LTBR: variants seen among roughly 807,000 people sequenced by gnomAD.
LTBR encodes lymphotoxin beta receptor.
In LTBR, 15 loss-of-function variants were observed where a neutral mutation model predicts 45.4. The observed-to-expected ratio is 0.33, with a 90% confidence interval of 0.22 to 0.51. The LOEUF (loss-of-function observed/expected upper bound fraction) is 0.51. Among genes scored for constraint, LTBR ranks in the 20% least tolerant of loss-of-function variants. LTBR has a pLI of 0.97. For synonymous variants in LTBR, 228 were observed against 231.0 expected (o/e 0.99, Z 0.12); for missense variants, 450 against 565.5 (o/e 0.80, Z 2.07).
At position 6,391,062 on chromosome 12, in the gene LTBR, A is replaced by G; in HGVS notation, c.*125A>G. On this transcript the variant is annotated 3_prime_UTR_variant, in exon 10 of 10. Transcript: ENST00000228918. ...GGGGAAGCAGAGCCCTAAGGGATTA[A>G]GGCTCAGACACCTCTGAGAGCAGGT... 2.0e-6 allele frequency: 2 copies of G among 997,446 alleles called. No individual in the cohort carries two copies. The highest frequency in any genetic ancestry group is 2.8e-6 in the Non-Finnish European group (2 of 712,436). The allele number at this position is 997,446 out of a possible 1,614,324, so 61.8% of individuals were successfully genotyped here.
rs1382070919 is a variant in LTBR at position 6,384,265 on chromosome 12, C to T, written c.-94C>T. The T allele has an allele frequency of 1.6e-5, 23 of 1,418,310 alleles. No individual in the cohort carries two copies. The highest frequency in any genetic ancestry group is 2.0e-5 in the Non-Finnish European group (22 of 1,091,684). The allele number at this position is 1,418,310 out of a possible 1,614,324, so 87.9% of individuals were successfully genotyped here. On this transcript the variant is annotated 5_prime_UTR_variant, in exon 1 of 10. Coordinates refer to ENST00000228918, the MANE Select transcript of LTBR (RefSeq NM_002342.3). ...CCTGAGTCCCGTCCCAGGCTCTGGGCTCGGGCAGCCGCCGCCACCGCTGCC... is the reference window on the plus strand; with the variant it reads ...CCTGAGTCCCGTCCCAGGCTCTGGGTTCGGGCAGCCGCCGCCACCGCTGCC...
chr12:6,381,647 T>C (rs1158006411), upstream of LTBR, among the ~76,000 whole-genome samples: 1 of 152,206 alleles, frequency 6.6e-6, no homozygotes, highest in Non-Finnish European at 1.5e-5. Flanking sequence ...AAGCTTTGAC[T>C]GGGAAGGGCA....
chr12:6,386,471 G>GGT lies in LTBR; in HGVS notation c.667+28_667+29insTG, dbSNP rs780237155. The GGT allele has an allele frequency of 1.2e-4, 183 of 1,571,062 alleles. 2 individuals are homozygous for GGT. Among genetic ancestry groups the GGT allele is most frequent in the South Asian group, 3.1e-4 (28 of 89,796 alleles). ...TGAGGGACCAGGGCTGAGGGACACG[G>GGT]GGGGGGCGCCTCTGAAAATGCCTTA... is the stretch of plus-strand genomic sequence containing the variant. On this transcript the variant is annotated intron_variant, in intron 6 of 9. Transcript: ENST00000228918. The surrounding 1 kb of genome is among the most constrained non-coding windows in gnomAD (Gnocchi z 4.1).
rs1949096592 is a variant in LTBR at position 6,390,220 on chromosome 12, G to T, written c.910G>T (p.Val304Leu). 6.2e-7 allele frequency: 1 copy of T among 1,613,980 alleles called. No homozygotes were observed. The highest frequency in any genetic ancestry group is 8.5e-7 in the Non-Finnish European group (1 of 1,180,030). ...LLPISGDVSP[V>L]STGLPAAPVL... Reference sequence around the variant, plus strand: ...ACCCATTTCTGGAGATGTTTCCCCAGTATCCACTGGGCTCCCCGCAGCCCC... The same window carrying T: ...ACCCATTTCTGGAGATGTTTCCCCATTATCCACTGGGCTCCCCGCAGCCCC... The change falls in exon 9 of 10, where the codon GTA (valine) becomes TTA (leucine). Residue 304 changes from valine (V) to leucine (L), a missense_variant. Around this residue, in one of 3 missense-constraint regions of LTBR, gnomAD observed 367 missense variants for 435.4 expected, o/e 0.84. Coordinates refer to ENST00000228918, the MANE Select transcript of LTBR (RefSeq NM_002342.3).
chr12:6,387,727 G>GA (rs1379719048), intron 6 of LTBR: 6 of 322,454 alleles, frequency 1.9e-5, no homozygotes, highest in Non-Finnish European at 3.8e-5. Flanking sequence ...CAGAGAAAGA[G>GA]AAATTACCCA....
rs562251973 is a variant in LTBR at position 6,384,388 on chromosome 12, C to G, written c.30C>G (p.Pro10=). 3.3e-6 allele frequency: 5 copies of G among 1,537,554 alleles called. No homozygotes were observed. The South Asian group carries it at 3.6e-5, about 11-fold the overall frequency. ...TCCTGCCTTGGGCCACCTCTGCCCCCGGCCTGGCCTGGGGGCCTCTGGTGC... is the reference window on the plus strand; with the variant it reads ...TCCTGCCTTGGGCCACCTCTGCCCCGGGCCTGGCCTGGGGGCCTCTGGTGC... MLLPWATSA[P]GLAWGPLVLG... is the part of the protein sequence containing the mutation. The change falls in exon 1 of 10, where the codon CCC becomes CCG. Residue 10 remains proline (P), a synonymous_variant. Transcript: ENST00000228918.
chr12:6,385,733 C>T (rs544174408), intron 4 of LTBR: 26 of 344,282 alleles, frequency 7.6e-5, no homozygotes, highest in East Asian at 3.9e-4. Flanking sequence ...AGTGAAACCC[C>T]GTCTCTACTA....
At chr12:6,378,388 A>G (rs904933636) in intron 1 of LTBR, among the ~76,000 whole-genome samples, 1 of 152,198 alleles carries the variant, frequency 6.6e-6, no homozygotes, top group African/African-American at 2.4e-5. Context: ...CCTAGGCTCA[A>G]GCAGTCCTCC....
chr12:6,388,520 G>A lies in LTBR; in HGVS notation c.775+15G>A. 2.5e-6 allele frequency: 4 copies of A among 1,603,820 alleles called. No homozygotes were observed. The highest frequency in any genetic ancestry group is 3.4e-6 in the Non-Finnish European group (4 of 1,170,710). ...CAGGAAACTGGGTAGGAAAGGGTTG[G>A]ATGCAGTGGATGGTTGGCAATGGGA... On this transcript the variant is annotated intron_variant, in intron 7 of 9. Transcript: ENST00000228918. The surrounding 1 kb of genome is among the most constrained non-coding windows in gnomAD (Gnocchi z 4.3).
intron 1 of LTBR, among the ~76,000 whole-genome samples, chr12:6,376,421 C>T (rs935034093): frequency 1.1e-4 from 17 of 152,082 alleles, no homozygotes; most frequent in African/African-American, 3.6e-4. Flanking sequence ...CCAGAGGCAG[C>T]GCGAGGGCCA....
chr12:6,387,865 C>T (rs1026843815), intron 6 of LTBR: 4 of 455,362 alleles, frequency 8.8e-6, no homozygotes, highest in South Asian at 4.7e-5. Context: ...CAGGCAGTTC[C>T]GAAGCAAGTT....
intron 9 of LTBR, 36 bp from the exon 10 acceptor site, chr12:6,390,624 C>T (rs1949102530): frequency 6.7e-7 from 1 of 1,496,164 alleles, no homozygotes; most frequent in Non-Finnish European, 8.9e-7. Context: ...GAACTGGGGG[C>T]CTTCCTTCCT....
chr12:6,379,150 C>T (rs939781672), intron 1 of LTBR, among the ~76,000 whole-genome samples: 2 of 152,088 alleles, frequency 1.3e-5, no homozygotes, highest in Non-Finnish European at 2.9e-5. Flanking sequence ...CGTATACATC[C>T]GTTTGGGGTC....
chr12:6,379,848 G>C (rs1480649470), upstream of LTBR, among the ~76,000 whole-genome samples: 1 of 150,996 alleles, frequency 6.6e-6, no homozygotes, highest in Non-Finnish European at 1.5e-5. Flanking sequence ...CAGGAGAATG[G>C]CATAAAACCG....
chr12:6,382,392 T>C (rs1948993130), upstream of LTBR, among the ~76,000 whole-genome samples: 2 of 152,152 alleles, frequency 1.3e-5, no homozygotes, highest in South Asian at 2.1e-4. Flanking sequence ...TCTCTTTTGG[T>C]ATATTATCTT....
At chr12:6,379,708 A>G (rs1948960126), upstream of LTBR, among the ~76,000 whole-genome samples, 1 of 152,118 alleles carries the variant, frequency 6.6e-6, no homozygotes, top group Non-Finnish European at 1.5e-5. Flanking sequence ...AGGCGGGTGG[A>G]TCATGAGGTC....
In LTBR at chr12:6,388,217, T is replaced by G; in HGVS notation, c.668-181T>G. 1.7e-6 allele frequency: 1 copy of G among 576,754 alleles called. No homozygotes were observed. The highest frequency in any genetic ancestry group is 2.0e-5 in the South Asian group (1 of 49,666). The allele number at this position is 576,754 out of a possible 1,614,324, so 35.7% of individuals were successfully genotyped here. On this transcript the variant is annotated intron_variant, in intron 6 of 9. Transcript: ENST00000228918. This position sits in a 1 kb window ranked among gnomAD's most constrained non-coding sequence, Gnocchi z 4.3. ...CTCAAGTCCAACTTAGTTCCCCTTCTCTATAACCCAAGGGAAGTTTCTCTC... is the reference window on the plus strand; with the variant it reads ...CTCAAGTCCAACTTAGTTCCCCTTCGCTATAACCCAAGGGAAGTTTCTCTC...
intron 4 of LTBR, 107 bp from the exon 5 acceptor site, chr12:6,385,959 G>T: frequency 1.4e-6 from 1 of 695,490 alleles, no homozygotes; most frequent in East Asian, 2.7e-5. Flanking sequence ...TGAGAGCTAC[G>T]CAATGGGGTG....
rs914300142 is a variant in LTBR at position 6,391,173 on chromosome 12, C to G, written c.*236C>G. ...GGCCTCCCGGCAGACCCACCCACCC[C>G]CTGGGGCTGCTCAGCCTCAGGCACG... On this transcript the variant is annotated 3_prime_UTR_variant, in exon 10 of 10. Coordinates refer to ENST00000228918, the MANE Select transcript of LTBR (RefSeq NM_002342.3). The G allele has an allele frequency of 2.4e-6, 1 of 412,538 alleles. No homozygotes were observed. Among genetic ancestry groups the G allele is most frequent in the East Asian group, 3.7e-5 (1 of 26,812 alleles). The allele number at this position is 412,538 out of a possible 1,614,324, so 25.6% of individuals were successfully genotyped here. A position where few individuals can be genotyped will look rare whatever the true frequency, so the allele number is the denominator to read the frequency against.
Sources: allele counts gnomAD v4.1 joint callset (sites outside exome capture counted in the v4.1 genomes callset), GRCh38; gene constraint gnomAD v4.1.1; regional missense constraint gnomAD v4.1.1; non-coding constraint Gnocchi (gnomAD v3.1); transcripts MANE v1.5; gene names NCBI Gene and HGNC (gene_info 2026-07-23, HGNC 2026-07-21).